The following PIAS1 variants were observed in gnomAD, a reference collection of about 807,000 sequenced individuals.
The protein encoded by PIAS1 is E3 SUMO-protein ligase PIAS1.
In PIAS1, 6 loss-of-function variants were observed where a neutral mutation model predicts 71.3. The observed-to-expected ratio is 0.08, with a 90% confidence interval of 0.05 to 0.17. PIAS1 has a LOEUF of 0.17. PIAS1 is among the 10% of genes least tolerant of loss of function. PIAS1 has a pLI of 1.00. For synonymous variants in PIAS1, 303 were observed against 292.9 expected (o/e 1.03, Z -0.35); for missense variants, 555 against 793.6 (o/e 0.70, Z 3.61).
At chr15:68,124,936 A>G (rs999070169) in intron 2 of PIAS1, among the ~76,000 whole-genome samples, 8 of 152,140 alleles carry the variant, frequency 5.3e-5, no homozygotes, top group Admixed American at 5.2e-4. Context: ...GGCATTGTAT[A>G]TTGATTTCCC....
intron 7 of PIAS1, among the ~76,000 whole-genome samples, chr15:68,160,539 C>T (rs1567069986): frequency 2.0e-5 from 3 of 152,084 alleles, no homozygotes; most frequent in African/African-American, 7.2e-5. Context: ...AGTTAGAATT[C>T]TCCAATTTTG....
At chr15:68,106,845 T>C (rs1460310971) in intron 2 of PIAS1, among the ~76,000 whole-genome samples, 1 of 152,246 alleles carries the variant, frequency 6.6e-6, no homozygotes, top group Non-Finnish European at 1.5e-5. Context: ...CATACTTAAA[T>C]ACAGCACAGC....
intron 2 of PIAS1, among the ~76,000 whole-genome samples, chr15:68,131,112 T>C (rs1041279462): frequency 7.9e-4 from 120 of 152,284 alleles, no homozygotes; most frequent in African/African-American, 2.8e-3. Context: ...CAAGAATCCA[T>C]TAGCTTATTT....
chr15:68,177,768 G>A (rs2093029720), intron 11 of PIAS1, among the ~76,000 whole-genome samples: 1 of 152,180 alleles, frequency 6.6e-6, no homozygotes, highest in African/African-American at 2.4e-5. Context: ...ACACATCAGG[G>A]ATTCTGAGCA....
intron 1 of PIAS1, among the ~76,000 whole-genome samples, chr15:68,059,394 T>C (rs186253901): frequency 1.5e-3 from 232 of 152,186 alleles, no homozygotes; most frequent in African/African-American, 5.3e-3. Context: ...TATATTGATA[T>C]GACAGATCTT....
At chr15:68,146,889 GC>G (rs1000240249) in intron 6 of PIAS1, among the ~76,000 whole-genome samples, 189 bp downstream of exon 6, 3 of 151,986 alleles carry the variant, frequency 2.0e-5, no homozygotes, top group African/African-American at 7.3e-5. Context: ...TTATAACCTG[GC>G]CCTTTTACTC....
chr15:68,153,886 TG>T (rs935736872), intron 7 of PIAS1, 191 bp downstream of exon 7: 11 of 379,124 alleles, frequency 2.9e-5, no homozygotes, highest in African/African-American at 1.7e-4. Context: ...AAATTAACTT[TG>T]TGAAGTCAGT....
rs1555431873 is a variant in PIAS1 at position 68,155,466 on chromosome 15, A to AC, written c.934+1771_934+1772insC. Among the ~76,000 whole-genome samples the AC allele has an allele frequency of 9.2e-3, 1,333 of 145,530 alleles. 9 individuals are homozygous for AC. Among genetic ancestry groups the AC allele is most frequent in the African/African-American group, 0.017 (672 of 40,238 alleles). On this transcript the variant is annotated intron_variant, in intron 7 of 13. Coordinates refer to ENST00000249636, the MANE Select transcript of PIAS1 (RefSeq NM_016166.3). ...GCTGCCTGTAAAAAAAAAAAAAAAAAAAAAAACCAAAAACTTTCCCAACAA... is the reference window on the plus strand; with the variant it reads ...GCTGCCTGTAAAAAAAAAAAAAAAAACAAAAAACCAAAAACTTTCCCAACAA...
intron 2 of PIAS1, among the ~76,000 whole-genome samples, chr15:68,139,630 ATTAT>A (rs977439732): frequency 2.6e-5 from 4 of 152,312 alleles, no homozygotes; most frequent in African/African-American, 9.6e-5. Flanking sequence ...ATGTATAATT[ATTAT>A]TTGTCAGTTA....
At chr15:68,179,637 A>T (rs1340248365) in intron 11 of PIAS1, among the ~76,000 whole-genome samples, 1 of 123,592 alleles carries the variant, frequency 8.1e-6, no homozygotes, top group African/African-American at 3.1e-5. Flanking sequence ...GTGCAGTGGC[A>T]CCATCTTGGC....
At chr15:68,055,686 G>C in intron 1 of PIAS1, 2 of 420,772 alleles carry the variant, frequency 4.8e-6, no homozygotes, top group Non-Finnish European at 8.3e-6. Flanking sequence ...TGACATCTCT[G>C]TCAGAGAGGA....
intron 11 of PIAS1, among the ~76,000 whole-genome samples, chr15:68,179,463 AGT>A (rs963402581): frequency 6.7e-6 from 1 of 149,978 alleles, no homozygotes; most frequent in African/African-American, 2.4e-5. Context: ...GGCAGACGAG[AGT>A]GTGTTTTATG....
At chr15:68,125,165 T>C (rs977178095) in intron 2 of PIAS1, among the ~76,000 whole-genome samples, 1 of 152,142 alleles carries the variant, frequency 6.6e-6, no homozygotes, top group Non-Finnish European at 1.5e-5. Flanking sequence ...TCTTTTTTTT[T>C]CCCCCTGTGT....
At chr15:68,134,843 G>T (rs1595754025) in intron 2 of PIAS1, among the ~76,000 whole-genome samples, 1 of 47,696 alleles carries the variant, frequency 2.1e-5, no homozygotes. Flanking sequence ...CGGGCGGGGG[G>T]CTGACCCCCC....
chr15:68,068,166 A>G (rs1035533538), intron 1 of PIAS1, among the ~76,000 whole-genome samples: 2 of 152,104 alleles, frequency 1.3e-5, no homozygotes, highest in Non-Finnish European at 2.9e-5. Context: ...TGAGTGCAGG[A>G]GTTTGAGACC....
At position 68,178,772 on chromosome 15, in the gene PIAS1, T is replaced by G. The variant is rs556079229; in HGVS notation, c.1481+2118T>G. Among the ~76,000 whole-genome samples, 6 of 152,238 alleles carry G rather than the reference T, an allele frequency of 3.9e-5. No individual in the cohort carries two copies. Among genetic ancestry groups the G allele is most frequent in the Admixed American group, 1.3e-4 (2 of 15,302 alleles). On this transcript the variant is annotated intron_variant, in intron 11 of 13. Transcript: ENST00000249636. This position sits in a 1 kb window ranked among gnomAD's most constrained non-coding sequence, Gnocchi z 4.2. ...TAGTAATATGTATTTATGTAAACTA[T>G]GCAATAGTATTACTGACTATATATT... is the stretch of plus-strand genomic sequence containing the variant.
At chr15:68,105,789 A>C (rs910647108) in intron 2 of PIAS1, among the ~76,000 whole-genome samples, 1 of 152,290 alleles carries the variant, frequency 6.6e-6, no homozygotes. Flanking sequence ...TGGGCAACAT[A>C]GCAAAACGCC....
At chr15:68,071,391 A>G (rs1351994345) in intron 1 of PIAS1, among the ~76,000 whole-genome samples, 7 of 141,830 alleles carry the variant, frequency 4.9e-5, no homozygotes, top group African/African-American at 7.9e-5. Context: ...AATTTTTTGT[A>G]TTTTTAGTAG....
intron 1 of PIAS1, among the ~76,000 whole-genome samples, chr15:68,082,297 A>T (rs2092236464): frequency 6.6e-6 from 1 of 152,168 alleles, no homozygotes; most frequent in Non-Finnish European, 1.5e-5. Flanking sequence ...CCAGTATAAA[A>T]GAGAGACAAG....
Sources: allele counts gnomAD v4.1 joint callset (sites outside exome capture counted in the v4.1 genomes callset), GRCh38; gene constraint gnomAD v4.1.1; non-coding constraint Gnocchi (gnomAD v3.1); transcripts MANE v1.5; gene names NCBI Gene and HGNC (gene_info 2026-07-23, HGNC 2026-07-21).